PRCD: variants seen among roughly 807,000 people sequenced by gnomAD.
PRCD encodes the protein photoreceptor disk component PRCD.
Under a neutral mutation model 10.1 loss-of-function variants are expected in PRCD, and 12 were observed. The observed-to-expected ratio is 1.18, with a 90% CI of 0.76 to 1.92. The LOEUF (loss-of-function observed/expected upper bound fraction) is 1.92, where lower values mean the gene tolerates loss of function less well. PRCD is among the 40% of genes most tolerant of loss of function. PRCD has a pLI of 0.00. For missense variants in PRCD, 61 were observed against 72.2 expected (o/e 0.84, Z 0.56); for synonymous variants, 31 against 26.2 (o/e 1.18, Z -0.56).
downstream of PRCD, among the ~76,000 whole-genome samples, chr17:76,547,975 T>C (rs1288580981): frequency 6.7e-6 from 1 of 148,922 alleles, no homozygotes; most frequent in Non-Finnish European, 1.5e-5. Flanking sequence ...CACATAAACA[T>C]ACACATACAT....
rs572911315 is a variant in PRCD at position 76,531,188 on chromosome 17, C to T, written n.45+3355C>T. The T allele has an allele frequency of 2.5e-5, 40 of 1,577,822 alleles. No homozygotes were observed. The highest frequency in any genetic ancestry group is 1.9e-4 in the Middle Eastern group (1 of 5,186). On this transcript the variant is annotated intron_variant and non_coding_transcript_variant, in intron 1 of 4. Transcript: ENST00000397633. This position sits in a 1 kb window ranked among gnomAD's most constrained non-coding sequence, Gnocchi z 7.4. ...GGGGAGTGAACGCCCGGGCGCCCTG[C>T]GTCCTGCAACCCCCAGGCCCCTCCG...
intron 1 of PRCD, among the ~76,000 whole-genome samples, chr17:76,534,662 A>C (rs920339455): frequency 6.6e-6 from 1 of 152,202 alleles, no homozygotes; most frequent in Non-Finnish European, 1.5e-5. Flanking sequence ...AAGATTGCCC[A>C]ACAAAGTAGA....
chr17:76,538,651 A>G, upstream of PRCD: 2 of 351,692 alleles, frequency 5.7e-6, no homozygotes, highest in South Asian at 4.3e-5. Context: ...GCCGCCACCA[A>G]GGGCCCGATT....
chr17:76,534,807 G>A (rs1235089177), intron 1 of PRCD, among the ~76,000 whole-genome samples: 3 of 152,182 alleles, frequency 2.0e-5, no homozygotes, highest in African/African-American at 7.2e-5. Context: ...CCGGGTTGTG[G>A]CCCTGAGGAA....
intron 1 of PRCD, chr17:76,552,053 TG>T (rs1434945242): frequency 6.6e-6 from 1 of 151,714 alleles, no homozygotes; most frequent in Non-Finnish European, 1.5e-5. Flanking sequence ...CTTGCACACA[TG>T]AGCTCATTTT....
chr17:76,527,745 C>G (rs144615545), upstream of PRCD: 2 of 453,878 alleles, frequency 4.4e-6, no homozygotes, highest in African/African-American at 4.0e-5. Flanking sequence ...GTGGAGCTAG[C>G]GGTCGAGGTT....
chr17:76,535,962 C>T (rs1305196498), upstream of PRCD, among the ~76,000 whole-genome samples: 1 of 152,244 alleles, frequency 6.6e-6, no homozygotes, highest in African/African-American at 2.4e-5. Context: ...CGGTGGGCTG[C>T]AGGTGCTGAC....
In PRCD at chr17:76,531,520, C is replaced by A; in HGVS notation, n.45+3687C>A. The A allele has an allele frequency of 6.2e-7, 1 of 1,614,078 alleles. No individual in the cohort carries two copies. Among genetic ancestry groups the A allele is most frequent in the South Asian group, 1.1e-5 (1 of 91,090 alleles). ...CGTGGGCTTTCCCCACAAGGGCGAG[C>A]ACAGAGGACACCTTGTCGGGGTCAT... On this transcript the variant is annotated intron_variant and non_coding_transcript_variant, in intron 1 of 4. Coordinates refer to the PRCD transcript ENST00000397633. The surrounding 1 kb of genome is among the most constrained non-coding windows in gnomAD (Gnocchi z 7.4).
At position 76,544,707 on chromosome 17, in the gene PRCD, T is replaced by C. The variant is rs1175781639; in HGVS notation, c.*1057T>C. 3 of 456,776 alleles carry C rather than the reference T, an allele frequency of 6.6e-6. No individual in the cohort carries two copies. The highest frequency in any genetic ancestry group is 3.1e-5 in the South Asian group (2 of 64,578). The allele number at this position is 456,776 out of a possible 1,614,324, so 28.3% of individuals were successfully genotyped here. A position where few individuals can be genotyped will look rare whatever the true frequency, so the allele number is the denominator to read the frequency against. ...TCAGGCTGAGGGCCAGAGGGCACTG[T>C]TCCCGGGACCCAGTCTGTGTTCCCC... is the stretch of plus-strand genomic sequence containing the variant. On this transcript the variant is annotated 3_prime_UTR_variant, in exon 5 of 5. Transcript: ENST00000592014.
chr17:76,528,703 T>C lies in PRCD; in HGVS notation n.45+870T>C. On this transcript the variant is annotated intron_variant and non_coding_transcript_variant, in intron 1 of 4. Coordinates refer to the PRCD transcript ENST00000397633. This position sits in a 1 kb window ranked among gnomAD's most constrained non-coding sequence, Gnocchi z 5.8. The stretch of plus-strand genomic sequence containing the variant: ...GGGGAGGACCTGGGGCTGGCGAGGC[T>C]CACTTCCTGCCAAGAGATCCGGCAC... 1 of 1,172,146 alleles carries C rather than the reference T, an allele frequency of 8.5e-7. No individual in the cohort carries two copies. The highest frequency in any genetic ancestry group is 3.2e-5 in the East Asian group (1 of 31,264). The allele number at this position is 1,172,146 out of a possible 1,614,324, so 72.6% of individuals were successfully genotyped here. A position where few individuals can be genotyped will look rare whatever the true frequency, so the allele number is the denominator to read the frequency against.
chr17:76,540,249 G>T lies in PRCD; in HGVS notation c.74+34G>T, dbSNP rs1337961525. ...CTGACCGGGCTATGGCTGGCGGTTG[G>T]TCGGGGGGGGGGGGCATGGGGCTGG... On this transcript the variant is annotated intron_variant, in intron 1 of 4. Transcript: ENST00000592014. This position sits in a 1 kb window ranked among gnomAD's most constrained non-coding sequence, Gnocchi z 5.0. 1,093 of 1,411,650 alleles carry T rather than the reference G, an allele frequency of 7.7e-4. 16 individuals are homozygous for T. Among genetic ancestry groups the T allele is most frequent in the Non-Finnish European group, 9.7e-4 (1,001 of 1,034,534 alleles). The allele number at this position is 1,411,650 out of a possible 1,614,324, so 87.4% of individuals were successfully genotyped here. A position where few individuals can be genotyped will look rare whatever the true frequency, so the allele number is the denominator to read the frequency against.
intron 1 of PRCD, chr17:76,551,301 A>C (rs1464143399): frequency 6.6e-6 from 1 of 152,242 alleles, no homozygotes; most frequent in Non-Finnish European, 1.5e-5. Flanking sequence ...ATGCCCAGGA[A>C]ATAACAGAAG....
At chr17:76,532,328 C>T (rs2074854835) in intron 1 of PRCD, among the ~76,000 whole-genome samples, 1 of 152,154 alleles carries the variant, frequency 6.6e-6, no homozygotes, top group African/African-American at 2.4e-5. Context: ...ACATTCCTTT[C>T]TACTACCCTT....
chr17:76,543,037 C>G lies in PRCD; in HGVS notation c.*68C>G. 1 of 473,586 alleles carries G rather than the reference C, an allele frequency of 2.1e-6. No individual in the cohort carries two copies. The highest frequency in any genetic ancestry group is 6.9e-5 in the East Asian group (1 of 14,528). The allele number at this position is 473,586 out of a possible 1,614,324, so 29.3% of individuals were successfully genotyped here. On this transcript the variant is annotated 3_prime_UTR_variant, in exon 4 of 5. Transcript: ENST00000592014. ...CTGGTTTTCTGTTTCAGCTCAGGTC[C>G]TGGTTCGTCCCCTAGCCCAGGAGGA...
At position 76,530,074 on chromosome 17, in the gene PRCD, G is replaced by A; in HGVS notation, n.45+2241G>A. 3 of 985,394 alleles carry A rather than the reference G, an allele frequency of 3.0e-6. No individual in the cohort carries two copies. Among genetic ancestry groups the A allele is most frequent in the Non-Finnish European group, 3.6e-6 (3 of 829,918 alleles). The allele number at this position is 985,394 out of a possible 1,614,324, so 61.0% of individuals were successfully genotyped here. A position where few individuals can be genotyped will look rare whatever the true frequency, so the allele number is the denominator to read the frequency against. On this transcript the variant is annotated intron_variant and non_coding_transcript_variant, in intron 1 of 4. Coordinates refer to the PRCD transcript ENST00000397633. The surrounding 1 kb of genome is among the most constrained non-coding windows in gnomAD (Gnocchi z 6.1). ...GGGGCCCGTGCAGAGCCCGGCGGGA[G>A]ACGCCGCCTTTTCCATGGGAAACTG...
chr17:76,529,586 G>C, intron 1 of PRCD: 2 of 985,408 alleles, frequency 2.0e-6, no homozygotes, highest in Non-Finnish European at 2.4e-6. Context: ...GAAGCAGGAA[G>C]TCTTGTGTCC....
chr17:76,531,541 G>A lies in PRCD; in HGVS notation n.45+3708G>A. 1 of 1,614,170 alleles carries A rather than the reference G, an allele frequency of 6.2e-7. No homozygotes were observed. The highest frequency in any genetic ancestry group is 1.1e-5 in the South Asian group (1 of 91,088). Reference sequence around the variant, plus strand: ...CGAGCACAGAGGACACCTTGTCGGGGTCATGCAGGTTCTCCACGACAGTGT... The same window carrying A: ...CGAGCACAGAGGACACCTTGTCGGGATCATGCAGGTTCTCCACGACAGTGT... On this transcript the variant is annotated intron_variant and non_coding_transcript_variant, in intron 1 of 4. Transcript: ENST00000397633. This position sits in a 1 kb window ranked among gnomAD's most constrained non-coding sequence, Gnocchi z 7.4.
chr17:76,541,890 G>C (rs1455477619), intron 2 of PRCD, among the ~76,000 whole-genome samples: 1 of 152,208 alleles, frequency 6.6e-6, no homozygotes, highest in African/African-American at 2.4e-5. Flanking sequence ...AATAACAGTG[G>C]TTGTGAGGTT....
rs1378838542 is a variant in PRCD at position 76,544,462 on chromosome 17, TC to T, written c.*813del. The T allele has an allele frequency of 4.4e-6, 2 of 455,226 alleles. No individual in the cohort carries two copies. The highest frequency in any genetic ancestry group is 4.7e-5 in the Admixed American group (2 of 42,560). 28.2% of individuals were successfully genotyped at this position (455,226 alleles called of 1,614,324 possible). A position where few individuals can be genotyped will look rare whatever the true frequency, so the allele number is the denominator to read the frequency against. ...CCGCTGGGGAGGGCCTGCTGGTACC[TC>T]GGGGAGCCTGGCTGGGGTGTGTGCG... On this transcript the variant is annotated 3_prime_UTR_variant, in exon 5 of 5. Transcript: ENST00000592014.
Sources: allele counts gnomAD v4.1 joint callset (sites outside exome capture counted in the v4.1 genomes callset), GRCh38; gene constraint gnomAD v4.1.1; non-coding constraint Gnocchi (gnomAD v3.1); transcripts MANE v1.5; gene names NCBI Gene and HGNC (gene_info 2026-07-23, HGNC 2026-07-21).